Variants in AFF3 observed in about 807,000 individuals in gnomAD.
The protein encoded by AFF3 is ALF transcription elongation factor 3, also known as AF4/FMR2 family member 3.
In AFF3, 32 loss-of-function variants were observed where a neutral mutation model predicts 129.7. That is an observed-to-expected ratio of 0.25 (90% CI 0.19 to 0.33). The LOEUF is 0.33. Among genes scored for constraint, AFF3 ranks in the 10% least tolerant of loss-of-function variants. AFF3 has a pLI of 1.00. For missense variants in AFF3, 1,373 were observed against 1,592.0 expected (o/e 0.86, Z 2.34); for synonymous variants, 644 against 635.4 (o/e 1.01, Z -0.20).
chr2:100,137,272 C>T (rs1692674786), intron 1 of AFF3, among the ~76,000 whole-genome samples: 1 of 152,196 alleles, frequency 6.6e-6, no homozygotes, highest in Non-Finnish European at 1.5e-5. Flanking sequence ...TCCAGGTGCT[C>T]TGGGAATGAC....
At chr2:100,056,423 T>TC (rs981152648) in intron 4 of AFF3, among the ~76,000 whole-genome samples, 48 of 152,268 alleles carry the variant, frequency 3.2e-4, no homozygotes, top group African/African-American at 1.1e-3. Context: ...AACCATGCTT[T>TC]CCCCCTTGAA....
intron 4 of AFF3, among the ~76,000 whole-genome samples, chr2:100,029,439 G>T (rs1224892103): frequency 1.3e-5 from 2 of 152,174 alleles, no homozygotes; most frequent in African/African-American, 4.8e-5. Flanking sequence ...ATGGTGAGAA[G>T]ATAAGTTTCT....
chr2:99,838,275 G>T (rs889205828), intron 7 of AFF3, among the ~76,000 whole-genome samples: 1 of 152,096 alleles, frequency 6.6e-6, no homozygotes, highest in African/African-American at 2.4e-5. Context: ...TGGTGAAAGT[G>T]CCTACCTGTG....
chr2:99,929,788 T>C (rs1696537770), intron 7 of AFF3, among the ~76,000 whole-genome samples: 1 of 152,170 alleles, frequency 6.6e-6, no homozygotes, highest in Admixed American at 6.6e-5. Flanking sequence ...AAAATGGCAT[T>C]TCTGAACAAC....
At chr2:99,637,938 T>C (rs1449978110) in intron 13 of AFF3, among the ~76,000 whole-genome samples, 3 of 152,178 alleles carry the variant, frequency 2.0e-5, no homozygotes, top group East Asian at 1.9e-4. Context: ...GAGTGTGACA[T>C]AGTGACAAAG....
At chr2:99,766,267 T>C (rs765776837) in intron 8 of AFF3, among the ~76,000 whole-genome samples, 1 of 152,252 alleles carries the variant, frequency 6.6e-6, no homozygotes, top group Non-Finnish European at 1.5e-5. Flanking sequence ...CGAAGGCACA[T>C]GCCTTTCTCC....
chr2:100,035,518 T>C (rs1684826065), intron 4 of AFF3, among the ~76,000 whole-genome samples: 1 of 152,198 alleles, frequency 6.6e-6, no homozygotes, highest in South Asian at 2.1e-4. Context: ...TGATCAGCCT[T>C]AGCGAAGAAG....
intron 12 of AFF3, among the ~76,000 whole-genome samples, chr2:99,653,162 TAA>T: frequency 6.6e-6 from 1 of 152,220 alleles, no homozygotes; most frequent in Middle Eastern, 3.2e-3. Flanking sequence ...TACTTGAACT[TAA>T]TTTAACTCCC....
At chr2:99,583,164 A>C (rs1283812929) in intron 16 of AFF3, among the ~76,000 whole-genome samples, 165 bp from the exon 17 acceptor site, 1 of 152,174 alleles carries the variant, frequency 6.6e-6, no homozygotes, top group African/African-American at 2.4e-5. Context: ...CATAACAAAC[A>C]ATAAGCAAAT....
chr2:99,819,641 T>C (rs1186008914), intron 8 of AFF3, among the ~76,000 whole-genome samples: 3 of 152,244 alleles, frequency 2.0e-5, no homozygotes, highest in Non-Finnish European at 4.4e-5. Flanking sequence ...AACAAGCATA[T>C]GAAATAATAA....
At chr2:99,889,760 G>A (rs961915453) in intron 7 of AFF3, among the ~76,000 whole-genome samples, 4 of 152,186 alleles carry the variant, frequency 2.6e-5, no homozygotes, top group Non-Finnish European at 5.9e-5. Flanking sequence ...CAGGGTTCAA[G>A]CAATTCTCCT....
At chr2:99,780,820 C>T (rs956336241) in intron 8 of AFF3, among the ~76,000 whole-genome samples, 4 of 152,134 alleles carry the variant, frequency 2.6e-5, no homozygotes, top group African/African-American at 9.7e-5. Flanking sequence ...GATCTAGTCA[C>T]CTGCGACCTC....
intron 7 of AFF3, among the ~76,000 whole-genome samples, chr2:99,928,634 T>G (rs1696450724): frequency 6.6e-6 from 1 of 152,194 alleles, no homozygotes; most frequent in Non-Finnish European, 1.5e-5. Context: ...CCTCTTTTTA[T>G]CGTATCACTT....
At chr2:100,009,954 T>A (rs144741088) in intron 4 of AFF3, among the ~76,000 whole-genome samples, 2 of 151,264 alleles carry the variant, frequency 1.3e-5, no homozygotes, top group African/African-American at 4.9e-5. Context: ...CTGGCCATCA[T>A]TCTGCTTCCA....
At chr2:99,811,694 T>C (rs6705955) in intron 8 of AFF3, among the ~76,000 whole-genome samples, 93,561 of 152,146 alleles carry the variant, frequency 0.61, 30,343 homozygotes, top group South Asian at 0.79. Flanking sequence ...CCCTGATCCA[T>C]GCTTGCAAAG....
intron 2 of AFF3, among the ~76,000 whole-genome samples, chr2:100,125,755 G>A (rs1692158250): frequency 6.6e-6 from 1 of 151,962 alleles, no homozygotes; most frequent in Non-Finnish European, 1.5e-5. Context: ...AAGGAGAGGA[G>A]GTGTTCCCAG....
At chr2:99,559,254 C>T (rs1020730889) in intron 21 of AFF3, among the ~76,000 whole-genome samples, 1 of 150,958 alleles carries the variant, frequency 6.6e-6, no homozygotes, top group Non-Finnish European at 1.5e-5. Flanking sequence ...CTTCCTTCTT[C>T]CACCACGAGA....
At chr2:99,607,149 G>A (rs938016324) in intron 13 of AFF3, among the ~76,000 whole-genome samples, 2 of 152,118 alleles carry the variant, frequency 1.3e-5, no homozygotes, top group Non-Finnish European at 2.9e-5. Flanking sequence ...TTCTCTAAAT[G>A]ATCTGCTTGG....
chr2:99,872,506 G>A (rs1460717071), intron 7 of AFF3, among the ~76,000 whole-genome samples: 1 of 151,548 alleles, frequency 6.6e-6, no homozygotes, highest in Non-Finnish European at 1.5e-5. Flanking sequence ...GAAATCCTAG[G>A]TCTCATTTTA....
Sources: allele counts gnomAD v4.1 joint callset (sites outside exome capture counted in the v4.1 genomes callset), GRCh38; gene constraint gnomAD v4.1.1; transcripts MANE v1.5; gene names NCBI Gene and HGNC (gene_info 2026-07-23, HGNC 2026-07-21).